The following ATF2 variants were observed in gnomAD, a reference collection of about 807,000 sequenced individuals.
ATF2 encodes the protein activating transcription factor 2, also known as cyclic AMP-dependent transcription factor ATF-2.
In ATF2, 24 loss-of-function variants were observed where a neutral mutation model predicts 60.6. The ratio of observed to expected loss-of-function variants is 0.40; its 90% CI spans 0.29 to 0.56. The LOEUF is 0.56. Ranked by LOEUF, ATF2 falls within the 20% of genes least tolerant of loss-of-function variation. The pLI is 0.54. For missense variants in ATF2, 433 were observed against 607.7 expected, an observed-to-expected ratio of 0.71 and a Z score of 3.02; for synonymous variants, 206 against 215.4, an observed-to-expected ratio of 0.96 and a Z score of 0.38.
chr2:175,110,113 G>A (rs1696067205), intron 10 of ATF2, among the ~76,000 whole-genome samples: 1 of 152,112 alleles, frequency 6.6e-6, no homozygotes, highest in South Asian at 2.1e-4. Flanking sequence ...GGGGAGGGGG[G>A]ATCACGAGGT....
intron 1 of ATF2, among the ~76,000 whole-genome samples, chr2:175,155,751 A>G (rs1047336025): frequency 2.6e-5 from 4 of 152,238 alleles, no homozygotes; most frequent in Non-Finnish European, 5.9e-5. Flanking sequence ...GGACGCTGAA[A>G]ACTTCCAACT....
chr2:175,111,702 T>C (rs1308176664), intron 9 of ATF2, 48 bp from the exon 10 acceptor site: 10 of 1,508,614 alleles, frequency 6.6e-6, no homozygotes, highest in South Asian at 4.6e-5. Flanking sequence ...ATATTCAAAA[T>C]GAGATTTGTA....
rs778459041 is a variant in ATF2, at chr2:175,118,247, A to G, written c.318+4T>C. Reference sequence around the variant, plus strand: ...TCTTTTTAAATTTCATGGTTACAACATACTTTTTTAATGTCATCTTCTGAA... The same window carrying G: ...TCTTTTTAAATTTCATGGTTACAACGTACTTTTTTAATGTCATCTTCTGAA... On this transcript the variant is annotated splice_donor_region_variant and intron_variant, in intron 6 of 13. Transcript: ENST00000264110. The G allele has an allele frequency of 1.2e-6, 2 of 1,604,528 alleles. No individual in the cohort carries two copies. Among genetic ancestry groups the G allele is most frequent in the Non-Finnish European group, 1.7e-6 (2 of 1,175,750 alleles).
chr2:175,144,085 C>T (rs752730269), intron 2 of ATF2, among the ~76,000 whole-genome samples: 12 of 152,092 alleles, frequency 7.9e-5, no homozygotes, highest in Non-Finnish European at 1.6e-4. Flanking sequence ...TGAGGCACTG[C>T]ACCTGATTCT....
At chr2:175,111,534 A>C (rs1350846675) in intron 10 of ATF2, 34 bp downstream of exon 10, 1 of 1,550,110 alleles carries the variant, frequency 6.5e-7, no homozygotes, top group Admixed American at 1.7e-5. Flanking sequence ...AAACAGCCTC[A>C]AGCAATGTAC....
intron 2 of ATF2, among the ~76,000 whole-genome samples, chr2:175,139,885 C>T (rs1350801291): frequency 6.6e-6 from 1 of 151,974 alleles, no homozygotes; most frequent in East Asian, 1.9e-4. Flanking sequence ...CTGGTGAAGG[C>T]ATCTTAAGTA....
In ATF2 at chr2:175,150,742, T is replaced by C. The variant is rs57448621; in HGVS notation, c.-44+318A>G. Among the ~76,000 whole-genome samples, 448 of 152,284 alleles carry C rather than the reference T, an allele frequency of 2.9e-3. 2 individuals carry two copies. Among genetic ancestry groups the C allele is most frequent in the African/African-American group, 0.01 (425 of 41,570 alleles). ...TTTATATTATTATTCTTAGAAGAACTGAGACCTTTATATCGGAACCCTTTG... is the reference window on the plus strand; with the variant it reads ...TTTATATTATTATTCTTAGAAGAACCGAGACCTTTATATCGGAACCCTTTG... On this transcript the variant is annotated intron_variant, in intron 2 of 13. Transcript: ENST00000264110.
intron 12 of ATF2, among the ~76,000 whole-genome samples, chr2:175,090,483 T>A (rs947460618): frequency 3.9e-5 from 6 of 152,100 alleles, no homozygotes; most frequent in African/African-American, 1.2e-4. Flanking sequence ...CAGGTTAATA[T>A]AAATAGATGG....
intron 1 of ATF2, among the ~76,000 whole-genome samples, chr2:175,152,398 A>G (rs1699368674): frequency 6.6e-6 from 1 of 152,216 alleles, no homozygotes; most frequent in South Asian, 2.1e-4. Flanking sequence ...CTCAGTCTAC[A>G]AAACTCAGAA....
intron 1 of ATF2, chr2:175,167,593 G>A (rs1335395913): frequency 8.4e-6 from 4 of 474,672 alleles, no homozygotes; most frequent in Non-Finnish European, 1.7e-5. Flanking sequence ...AATACTGGGT[G>A]GGGAGACCAG....
chr2:175,095,971 T>C (rs1694907358), intron 11 of ATF2, among the ~76,000 whole-genome samples: 1 of 152,180 alleles, frequency 6.6e-6, no homozygotes, highest in Non-Finnish European at 1.5e-5. Context: ...AGCCCCTCAT[T>C]TTCCCTTTTG....
intron 4 of ATF2, among the ~76,000 whole-genome samples, chr2:175,127,646 T>C (rs144010540): frequency 2.2e-4 from 33 of 152,340 alleles, no homozygotes; most frequent in Non-Finnish European, 7.4e-5. Context: ...CCAGCCACAG[T>C]AGTTGCGTTT....
intron 3 of ATF2, among the ~76,000 whole-genome samples, chr2:175,133,073 AGT>A: frequency 6.6e-6 from 1 of 151,820 alleles, no homozygotes; most frequent in Non-Finnish European, 1.5e-5. Flanking sequence ...TGGGCAACAG[AGT>A]GAGACTCTGT....
chr2:175,107,873 A>T (rs555943537), intron 10 of ATF2, among the ~76,000 whole-genome samples: 2 of 152,252 alleles, frequency 1.3e-5, no homozygotes, highest in Non-Finnish European at 2.9e-5. Flanking sequence ...TCAGTGCTCA[A>T]AGGTGCTCAG....
chr2:175,114,877 CAAT>C lies in ATF2; in HGVS notation c.448-12_448-10del. ...TGTGCCAATGGTACTTCCTATTTAA[CAAT>C]GAGATAAAAAAGGGTGGCATTTAAA... On this transcript the variant is annotated splice_polypyrimidine_tract_variant and intron_variant, in intron 7 of 13. Coordinates refer to ENST00000264110, the MANE Select transcript of ATF2 (RefSeq NM_001880.4). 1 of 1,603,426 alleles carries C rather than the reference CAAT, an allele frequency of 6.2e-7. No individual in the cohort carries two copies. Among genetic ancestry groups the C allele is most frequent in the Non-Finnish European group, 8.5e-7 (1 of 1,173,012 alleles).
intron 2 of ATF2, among the ~76,000 whole-genome samples, chr2:175,140,172 C>T (rs763383105): frequency 1.7e-4 from 26 of 152,034 alleles, no homozygotes; most frequent in Non-Finnish European, 3.2e-4. Context: ...TTTACAATGC[C>T]TTGTGGGTTT....
intron 10 of ATF2, among the ~76,000 whole-genome samples, chr2:175,101,807 G>A (rs909666915): frequency 2.6e-5 from 4 of 152,100 alleles, no homozygotes; most frequent in Admixed American, 1.3e-4. Context: ...CTGTTACATT[G>A]ATTACAATGG....
intron 10 of ATF2, among the ~76,000 whole-genome samples, chr2:175,108,630 G>A (rs1288630698): frequency 6.6e-6 from 1 of 152,188 alleles, no homozygotes; most frequent in Non-Finnish European, 1.5e-5. Flanking sequence ...CCCCTTCTGG[G>A]AAGTGAGGAG....
At chr2:175,133,346 T>A (rs1051217825) in intron 3 of ATF2, among the ~76,000 whole-genome samples, 1 of 152,124 alleles carries the variant, frequency 6.6e-6, no homozygotes, top group Non-Finnish European at 1.5e-5. Context: ...GAACCACACA[T>A]AAGGCTACCT....
Sources: allele counts gnomAD v4.1 joint callset (sites outside exome capture counted in the v4.1 genomes callset), GRCh38; gene constraint gnomAD v4.1.1; transcripts MANE v1.5; gene names NCBI Gene and HGNC (gene_info 2026-07-23, HGNC 2026-07-21).